TENM2: variants seen among roughly 807,000 people sequenced by gnomAD.
The protein encoded by TENM2 is teneurin-2.
TENM2 carries 52 observed loss-of-function variants against 245.2 expected under a neutral mutation model. That is an observed-to-expected ratio of 0.21 (90% confidence interval 0.17 to 0.27). TENM2 has a LOEUF of 0.27. TENM2 is among the 10% of genes least tolerant of loss of function. The pLI is 1.00. For missense variants in TENM2, 3,046 were observed against 3,666.8 expected (o/e 0.83, Z 4.37); for synonymous variants, 1,363 against 1,438.9 (o/e 0.95, Z 1.19).
At position 167,724,167 on chromosome 5, in the gene TENM2, C is replaced by G. The variant is rs539338005; in HGVS notation, c.503-151819C>G. 7.7e-4 allele frequency among the ~76,000 whole-genome samples: 118 copies of G among 152,298 alleles called. No individual in the cohort carries two copies. In the South Asian group the frequency reaches 0.014, roughly 18 times the overall value. On this transcript the variant is annotated intron_variant, in intron 2 of 28. Transcript: ENST00000518659. ...TATATCAGTACAATATTGGTAAATACTAGCACAAATAGCAAACTTTCTATG... is the reference window on the plus strand; with the variant it reads ...TATATCAGTACAATATTGGTAAATAGTAGCACAAATAGCAAACTTTCTATG...
In TENM2 at chr5:167,577,261, G is replaced by C. The variant is rs80157831; in HGVS notation, c.502+201788G>C. On this transcript the variant is annotated intron_variant, in intron 2 of 28. Transcript: ENST00000518659. ...TATATGTTTTTTCCAATGAGAGGGG[G>C]ACGTAGGGTATTACAAAAGCACTTG... Among the ~76,000 whole-genome samples, 66 of 152,288 alleles carry C rather than the reference G, an allele frequency of 4.3e-4. 1 individual carries two copies. The East Asian group carries it at 0.013, about 29-fold the overall frequency.
chr5:167,507,793 A>C (rs1032018387), intron 2 of TENM2, among the ~76,000 whole-genome samples: 4 of 152,246 alleles, frequency 2.6e-5, no homozygotes, highest in African/African-American at 9.6e-5. Context: ...CATAGGAATT[A>C]CCATGGAATG....
At chr5:166,998,646 A>G in the TENM2 span, among the ~76,000 whole-genome samples, 1 of 152,220 alleles carries the variant, frequency 6.6e-6, no homozygotes, top group African/African-American at 2.4e-5. Flanking sequence ...TGGAGGAGAA[A>G]TGTATAGATT....
chr5:167,970,507 A>C (rs1214472155), intron 4 of TENM2, among the ~76,000 whole-genome samples: 1 of 152,188 alleles, frequency 6.6e-6, no homozygotes, highest in East Asian at 1.9e-4. Context: ...CTGGAGAAGC[A>C]GTTTTGCCTT....
intron 3 of TENM2, among the ~76,000 whole-genome samples, chr5:167,902,161 AGTGGAGT>A (rs1265986199): frequency 6.6e-6 from 1 of 152,012 alleles, no homozygotes; most frequent in Non-Finnish European, 1.5e-5. Context: ...TGTGCATGAG[AGTGGAGT>A]GGGGAGTGGG....
intron 7 of TENM2, among the ~76,000 whole-genome samples, chr5:168,085,134 C>G (rs1792335777): frequency 6.6e-6 from 1 of 152,212 alleles, no homozygotes; most frequent in Non-Finnish European, 1.5e-5. Flanking sequence ...TGAGATGAGA[C>G]TAGGGTTTTG....
intron 2 of TENM2, among the ~76,000 whole-genome samples, chr5:167,513,402 G>C (rs1441950988): frequency 6.6e-6 from 1 of 152,166 alleles, no homozygotes; most frequent in Non-Finnish European, 1.5e-5. Flanking sequence ...TGAAACTGGA[G>C]TAACGAAGTA....
intron 2 of TENM2, among the ~76,000 whole-genome samples, chr5:167,623,649 G>A (rs909929992): frequency 6.6e-6 from 1 of 152,170 alleles, no homozygotes; most frequent in African/African-American, 2.4e-5. Context: ...AATCCTGGCA[G>A]TAAGAAGGAA....
At position 167,797,721 on chromosome 5, in the gene TENM2, C is replaced by A. The variant is rs966043123; in HGVS notation, c.503-78265C>A. On this transcript the variant is annotated intron_variant, in intron 2 of 28. Transcript: ENST00000518659. Reference sequence around the variant, plus strand: ...AATGATTCTCATGTTATAATTAATTCTCTCATTGCCTTTGAGATCACTGCC... The same window carrying A: ...AATGATTCTCATGTTATAATTAATTATCTCATTGCCTTTGAGATCACTGCC... Among the ~76,000 whole-genome samples, 20 of 152,170 alleles carry A rather than the reference C, an allele frequency of 1.3e-4. 1 individual carries two copies. Among genetic ancestry groups the A allele is most frequent in the Non-Finnish European group, 2.6e-4 (18 of 68,036 alleles).
the TENM2 span, among the ~76,000 whole-genome samples, chr5:167,194,466 T>C: frequency 1.3e-5 from 2 of 152,016 alleles, no homozygotes; most frequent in African/African-American, 2.4e-5. Flanking sequence ...AATTAACCTA[T>C]CTTTATTACT....
At chr5:167,526,471 T>C (rs1771129332) in intron 2 of TENM2, among the ~76,000 whole-genome samples, 1 of 152,022 alleles carries the variant, frequency 6.6e-6, no homozygotes, top group Admixed American at 6.6e-5. Flanking sequence ...ATTTTTTTAA[T>C]GTTTCATAAG....
intron 22 of TENM2, 23 bp downstream of exon 24, chr5:168,216,945 T>C (rs781158734): frequency 6.2e-7 from 1 of 1,612,524 alleles, no homozygotes; most frequent in Non-Finnish European, 8.5e-7. Context: ...CTTATTTCTC[T>C]TCACTAAGCA....
At chr5:167,270,470 T>C in the TENM2 span, among the ~76,000 whole-genome samples, 1 of 152,120 alleles carries the variant, frequency 6.6e-6, no homozygotes, top group Admixed American at 6.6e-5. Flanking sequence ...ATCCCCACTT[T>C]CCAGAAGTGG....
intron 2 of TENM2, among the ~76,000 whole-genome samples, chr5:167,798,808 A>T (rs1035856756): frequency 2.0e-5 from 3 of 152,290 alleles, no homozygotes; most frequent in East Asian, 3.9e-4. Context: ...TCAAAGACAC[A>T]CTAAACTCCA....
chr5:168,005,283 G>A (rs1475301557), intron 5 of TENM2, among the ~76,000 whole-genome samples: 3 of 152,174 alleles, frequency 2.0e-5, no homozygotes, highest in Non-Finnish European at 1.5e-5. Flanking sequence ...TGTCGTGTTT[G>A]TATGACTAAG....
chr5:167,950,099 C>T (rs1779961831), intron 3 of TENM2, among the ~76,000 whole-genome samples: 1 of 152,136 alleles, frequency 6.6e-6, no homozygotes, highest in Non-Finnish European at 1.5e-5. Context: ...TCTCCATTTC[C>T]CCCAGGAAGC....
At chr5:167,258,231 A>ATATATATATGTATATATATATATGTG in the TENM2 span, among the ~76,000 whole-genome samples, 3 of 95,982 alleles carry the variant, frequency 3.1e-5, no homozygotes, top group South Asian at 3.4e-4. Flanking sequence ...ATATATGTGT[A>ATATATATATGTATATATATATATGTG]TATATATATA....
At chr5:167,087,024 A>G in the TENM2 span, among the ~76,000 whole-genome samples, 766 of 151,988 alleles carry the variant, frequency 5.0e-3, 7 homozygotes, top group African/African-American at 0.017. Flanking sequence ...GGTGGGGTCC[A>G]TGTATCCATA....
chr5:167,370,758 A>G (rs1398492291), intron 1 of TENM2, among the ~76,000 whole-genome samples: 1 of 152,216 alleles, frequency 6.6e-6, no homozygotes, highest in African/African-American at 2.4e-5. Flanking sequence ...ATACATATGT[A>G]TTCCATGAAT....
Sources: gnomAD v4.1 joint callset for allele counts (sites outside exome capture counted in the v4.1 genomes callset) on GRCh38, gnomAD v4.1.1 for gene constraint, MANE v1.5 for transcripts, NCBI Gene and HGNC (gene_info 2026-07-23, HGNC 2026-07-21) for gene names.